HELLS: variants seen among roughly 807,000 people sequenced by gnomAD.
HELLS encodes the protein helicase, lymphoid specific, also known as lymphoid-specific helicase.
In HELLS, 32 loss-of-function variants were observed where a neutral mutation model predicts 120.0. That is an observed-to-expected ratio of 0.27 (90% confidence interval 0.20 to 0.36). The LOEUF (loss-of-function observed/expected upper bound fraction) is 0.36. HELLS is among the 10% of genes least tolerant of loss of function. The pLI, the probability that HELLS is intolerant of heterozygous loss-of-function variation, is 1.00. For missense variants in HELLS, 650 were observed against 993.4 expected, an observed-to-expected ratio of 0.65 and a Z score of 4.65; for synonymous variants, 341 against 323.4, an observed-to-expected ratio of 1.05 and a Z score of -0.58.
chr10:94,582,577 G>A (rs1185427338), intron 11 of HELLS, among the ~76,000 whole-genome samples: 1 of 152,082 alleles, frequency 6.6e-6, no homozygotes, highest in Non-Finnish European at 1.5e-5. Context: ...AATATTTATT[G>A]TAGTGGGCCA....
chr10:94,558,751 G>A (rs184649132), intron 4 of HELLS, among the ~76,000 whole-genome samples: 8 of 152,004 alleles, frequency 5.3e-5, no homozygotes, highest in African/African-American at 1.7e-4. Flanking sequence ...ACAGGCGCCC[G>A]CCACCATGCC....
At position 94,607,227 on chromosome 10, in the gene HELLS, A is replaced by G. The variant is rs578144152; in HGVS notation, c.818-683A>G. Among the ~76,000 whole-genome samples, 471 of 152,220 alleles carry G rather than the reference A, an allele frequency of 3.1e-3. 2 individuals are homozygous for G. Among genetic ancestry groups the G allele is most frequent in the African/African-American group, 0.011 (455 of 41,514 alleles). On this transcript the variant is annotated intron_variant, in intron 8 of 9. Transcript: ENST00000371327. ...GCCATGGTGTTTGACTCTTCTTTCA[A>G]CCACTTCTGGGTTTTTTAGTGAAAA...
intron 10 of HELLS, among the ~76,000 whole-genome samples, chr10:94,580,096 T>A (rs1330198596): frequency 6.9e-6 from 1 of 144,176 alleles, no homozygotes; most frequent in African/African-American, 2.5e-5. Flanking sequence ...TTTTCTTTTC[T>A]CTCACATACC....
chr10:94,562,635 G>A (rs559271075), intron 4 of HELLS, 56 bp from the exon 5 acceptor site: 8 of 1,221,458 alleles, frequency 6.5e-6, no homozygotes, highest in South Asian at 2.7e-5. Context: ...GCCTTTTAAC[G>A]TATAATACTA....
intron 21 of HELLS, among the ~76,000 whole-genome samples, chr10:94,598,004 CTT>C (rs1399975616): frequency 4.9e-5 from 7 of 141,882 alleles, no homozygotes; most frequent in African/African-American, 1.3e-4. Flanking sequence ...TATATTGCTT[CTT>C]TTTTTTTTTT....
chr10:94,560,437 A>G (rs549526057), intron 4 of HELLS, among the ~76,000 whole-genome samples: 98 of 152,026 alleles, frequency 6.4e-4, no homozygotes, highest in African/African-American at 2.2e-3. Flanking sequence ...GCTCACGCCT[A>G]TAATCCCAAC....
chr10:94,592,565 C>A, intron 17 of HELLS, 51 bp downstream of exon 17: 1 of 1,201,182 alleles, frequency 8.3e-7, no homozygotes, highest in Non-Finnish European at 1.1e-6. Flanking sequence ...TAATTCCTAT[C>A]TTGATTTCTG....
At chr10:94,560,570 C>T (rs1589712152) in intron 4 of HELLS, among the ~76,000 whole-genome samples, 1 of 151,898 alleles carries the variant, frequency 6.6e-6, no homozygotes, top group Non-Finnish European at 1.5e-5. Flanking sequence ...GTGGTGTGTG[C>T]CTGTAGTCCC....
Position 94,562,393 on chromosome 10 carries a change from A to G in HELLS, c.334-298A>G, listed in dbSNP as rs533000180. Among the ~76,000 whole-genome samples, 51 of 152,214 alleles carry G rather than the reference A, an allele frequency of 3.4e-4. 1 individual carries two copies. In the South Asian group the frequency reaches 0.011, roughly 32 times the overall value. ...ACACTATCCTGGGCGACAAGAGTGA[A>G]ACTCCGTCTCCAAAAAACAAACAAA... On this transcript the variant is annotated intron_variant, in intron 4 of 21. Transcript: ENST00000348459.
rs547520062 is a variant in HELLS, at chr10:94,557,821, T to C, written c.277-318T>C. Among the ~76,000 whole-genome samples, 292 of 152,364 alleles carry C rather than the reference T, an allele frequency of 1.9e-3. 1 individual carries two copies. In the South Asian group the frequency reaches 0.029, roughly 15 times the overall value. On this transcript the variant is annotated intron_variant, in intron 3 of 21. Coordinates refer to ENST00000348459, the MANE Select transcript of HELLS (RefSeq NM_018063.5). The stretch of plus-strand genomic sequence containing the variant: ...GGATTTTTCTCCATTATTTGTACTT[T>C]AAAATTGTATCAGGCAGTAAGCTGG...
At chr10:94,604,502 G>C (rs1846105736), downstream of HELLS, among the ~76,000 whole-genome samples, 1 of 120,510 alleles carries the variant, frequency 8.3e-6, no homozygotes, top group Non-Finnish European at 1.6e-5. Flanking sequence ...TTTCCCCTTA[G>C]TTTAGTGTTT....
At chr10:94,605,073 C>CCT (rs1491575297), downstream of HELLS, among the ~76,000 whole-genome samples, 3 of 10,028 alleles carry the variant, frequency 3.0e-4, no homozygotes, top group Non-Finnish European at 7.9e-4. Context: ...TCTTGTGTCT[C>CCT]CCCCCCCCCC....
chr10:94,607,779 T>C lies in HELLS; in HGVS notation c.818-131T>C. ...TTGCTCTGTCGCCTAGGCTACAGTG[T>C]AGTGGCGTGATCTCGGCTCACTGCA... On this transcript the variant is annotated intron_variant, in intron 8 of 9. Transcript: ENST00000371327. The C allele has an allele frequency of 1.6e-5, 3 of 182,212 alleles. No homozygotes were observed. The South Asian group carries it at 2.4e-4, about 14-fold the overall frequency. The allele number at this position is 182,212 out of a possible 1,614,324, so 11.3% of individuals were successfully genotyped here. A position where few individuals can be genotyped will look rare whatever the true frequency, so the allele number is the denominator to read the frequency against.
chr10:94,560,040 A>AT (rs995184935), intron 4 of HELLS, among the ~76,000 whole-genome samples: 314 of 149,336 alleles, frequency 2.1e-3, no homozygotes, highest in African/African-American at 6.7e-3. Flanking sequence ...TTATTTATTT[A>AT]TTTTTTTTTT....
intron 3 of HELLS, among the ~76,000 whole-genome samples, chr10:94,557,441 A>T (rs910164871): frequency 1.3e-5 from 2 of 152,174 alleles, no homozygotes; most frequent in African/African-American, 4.8e-5. Context: ...TGTCTTTAAA[A>T]AATTTGTAAG....
At chr10:94,552,365 G>GCCAGTGTTGCTTA (rs1843026182) in intron 2 of HELLS, among the ~76,000 whole-genome samples, 1 of 152,162 alleles carries the variant, frequency 6.6e-6, no homozygotes, top group Non-Finnish European at 1.5e-5. Context: ...CTTAAAGCAG[G>GCCAGTGTTGCTTA]AACTTCTACA....
At position 94,590,437 on chromosome 10, in the gene HELLS, A is replaced by C; in HGVS notation, c.1513A>C (p.Thr505Pro). The change falls in exon 14 of 22, where the codon ACT becomes CCT. Residue 505 changes from threonine to proline, a missense_variant. By Grantham distance (38) the Thr-to-Pro change is conservative (BLOSUM62 -1). Around this residue, in one of 9 missense-constraint regions of HELLS, gnomAD observed 191 missense variants for 259.7 expected, o/e 0.74. Coordinates refer to ENST00000348459, the MANE Select transcript of HELLS (RefSeq NM_018063.5). ...SEKETIELSP[T>P]GRPKRRTRKS... Reference sequence around the variant, plus strand: ...GAAAGAAACAATTGAGTTAAGTCCTACTGGTCGACCAAAACGACGAACTAG... The same window carrying C: ...GAAAGAAACAATTGAGTTAAGTCCTCCTGGTCGACCAAAACGACGAACTAG... 1 of 1,609,122 alleles carries C rather than the reference A, an allele frequency of 6.2e-7. No homozygotes were observed. Among genetic ancestry groups the C allele is most frequent in the Non-Finnish European group, 8.5e-7 (1 of 1,178,952 alleles).
At chr10:94,586,475 C>G (rs1464834546) in intron 12 of HELLS, among the ~76,000 whole-genome samples, 1 of 152,020 alleles carries the variant, frequency 6.6e-6, no homozygotes, top group South Asian at 2.1e-4. Context: ...GATTGCCTGT[C>G]GGCATATTTG....
chr10:94,585,572 C>T (rs4918411), intron 12 of HELLS, among the ~76,000 whole-genome samples: 55,687 of 151,006 alleles, frequency 0.37, 10,795 homozygotes, highest in East Asian at 0.68. Context: ...TTAGTGGAGA[C>T]GAGGTTTCAC....
Sources: allele counts gnomAD v4.1 joint callset (sites outside exome capture counted in the v4.1 genomes callset), GRCh38; gene constraint gnomAD v4.1.1; regional missense constraint gnomAD v4.1.1; transcripts MANE v1.5; gene names NCBI Gene and HGNC (gene_info 2026-07-23, HGNC 2026-07-21).